Variants in PARP4 observed in about 807,000 individuals in gnomAD.
PARP4 encodes the protein protein mono-ADP-ribosyltransferase PARP4.
Under a neutral mutation model 187.7 loss-of-function variants are expected in PARP4, and 120 were observed. That is an observed-to-expected ratio of 0.64 (90% CI 0.55 to 0.74). The LOEUF is 0.74. PARP4 is among the 30% of genes least tolerant of loss of function. The probability of loss-of-function intolerance (pLI) is 0.00; values close to 1 mark genes in which losing one functional copy is unlikely to be tolerated. For missense variants in PARP4, 1,836 were observed against 2,070.5 expected (o/e 0.89, Z 2.20); for synonymous variants, 654 against 740.9 (o/e 0.88, Z 1.90).
intron 17 of PARP4, among the ~76,000 whole-genome samples, chr13:24,464,933 TAAAC>T (rs1872381262): frequency 6.6e-6 from 1 of 151,334 alleles, no homozygotes; most frequent in Admixed American, 6.6e-5. Context: ...ACAAGGAACT[TAAAC>T]AAATTTACAA....
At chr13:24,465,745 A>G (rs1872429241) in intron 17 of PARP4, among the ~76,000 whole-genome samples, 1 of 150,452 alleles carries the variant, frequency 6.6e-6, no homozygotes, top group Non-Finnish European at 1.5e-5. Flanking sequence ...ACAAACCTGC[A>G]TGTCTTGCAC....
At chr13:24,498,874 G>A (rs1237931190) in intron 5 of PARP4, among the ~76,000 whole-genome samples, 2 of 152,288 alleles carry the variant, frequency 1.3e-5, no homozygotes, top group South Asian at 2.1e-4. Context: ...ACAGGGAAGA[G>A]CACTTTTATG....
chr13:24,464,170 A>G (rs920176194), intron 17 of PARP4, among the ~76,000 whole-genome samples: 4 of 152,220 alleles, frequency 2.6e-5, no homozygotes, highest in African/African-American at 9.6e-5. Context: ...ATGGAAAAAC[A>G]TTCCATGCTC....
chr13:24,494,740 T>G lies in PARP4; in HGVS notation c.592-18A>C. 6.4e-7 allele frequency: 1 copy of G among 1,565,192 alleles called. No homozygotes were observed. Among genetic ancestry groups the G allele is most frequent in the Non-Finnish European group, 8.7e-7 (1 of 1,147,616 alleles). On this transcript the variant is annotated intron_variant, in intron 6 of 33. Coordinates refer to ENST00000381989, the MANE Select transcript of PARP4 (RefSeq NM_006437.4). ...CTTCTAGTCTGTGAATTATGGTGTA[T>G]AGCAAAAGTACAGTCATTATTTACA... is the stretch of plus-strand genomic sequence containing the variant.
intron 24 of PARP4, among the ~76,000 whole-genome samples, chr13:24,451,650 C>T (rs1871526697): frequency 7.2e-6 from 1 of 138,680 alleles, no homozygotes; most frequent in African/African-American, 2.9e-5. Flanking sequence ...CACCAGATAG[C>T]TGGTGACCAC....
intron 28 of PARP4, among the ~76,000 whole-genome samples, chr13:24,443,196 C>G (rs1307378211): frequency 7.1e-6 from 1 of 141,212 alleles, no homozygotes; most frequent in Non-Finnish European, 1.5e-5. Context: ...CTGGGCAGTC[C>G]CGGTGGCCTG....
chr13:24,470,688 A>C (rs1199700841), intron 15 of PARP4, among the ~76,000 whole-genome samples: 1 of 152,190 alleles, frequency 6.6e-6, no homozygotes, highest in African/African-American at 2.4e-5. Context: ...ATGTGACAAT[A>C]ATAAGGCAAA....
At position 24,434,601 on chromosome 13, in the gene PARP4, G is replaced by A. The variant is rs1344315191; in HGVS notation, c.4540C>T (p.Pro1514Ser). 1 of 1,612,246 alleles carries A rather than the reference G, an allele frequency of 6.2e-7. No homozygotes were observed. Among genetic ancestry groups the A allele is most frequent in the Non-Finnish European group, 8.5e-7 (1 of 1,178,522 alleles). ...SVGSLEGSRCPVFAFQSSDTE... is the reference protein window; with the variant it reads ...SVGSLEGSRCSVFAFQSSDTE... ...TCAGAACTTTGAAAAGCAAAGACAG[G>A]ACATCGACTTCCTTCGAGACTGCCT... The change falls in exon 31 of 34, where the codon CCT (proline) becomes TCT (serine). Residue 1514 changes from proline to serine, a missense_variant. This residue lies in a region of PARP4 where 450 missense variants were observed against 439.2 expected (regional missense o/e 1.02). Transcript: ENST00000381989.
intron 17 of PARP4, among the ~76,000 whole-genome samples, chr13:24,462,197 G>A (rs1359261063): frequency 6.6e-6 from 1 of 152,208 alleles, no homozygotes; most frequent in Non-Finnish European, 1.5e-5. Flanking sequence ...CACTGCGGGA[G>A]GGGAAGAGTT....
chr13:24,500,491 T>C (rs778505480), intron 3 of PARP4, 109 bp from the exon 4 acceptor site: 6 of 624,086 alleles, frequency 9.6e-6, no homozygotes, highest in Non-Finnish European at 1.6e-5. Context: ...CTTAAATTAG[T>C]TATAATTTTG....
In PARP4 at chr13:24,490,982, C is replaced by T. The variant is rs1203638471; in HGVS notation, c.1054-154G>A. On this transcript the variant is annotated intron_variant, in intron 9 of 33. Transcript: ENST00000381989. ...ATTTTTGAGATGGGTCTTGCTCTCACCCACGCTGGAGTGTAGTGGCATGAC... is the reference window on the plus strand; with the variant it reads ...ATTTTTGAGATGGGTCTTGCTCTCATCCACGCTGGAGTGTAGTGGCATGAC... 2.0e-5 allele frequency among the ~76,000 whole-genome samples: 3 copies of T among 152,182 alleles called. No individual in the cohort carries two copies. The East Asian group carries it at 5.8e-4, about 29-fold the overall frequency.
At chr13:24,469,787 G>A in intron 16 of PARP4, 107 bp downstream of exon 16, 1 of 1,135,830 alleles carries the variant, frequency 8.8e-7, no homozygotes, top group East Asian at 2.4e-5. Context: ...TTATGATAAG[G>A]CTGCTACTCA....
At chr13:24,500,480 C>A in intron 3 of PARP4, 98 bp from the exon 4 acceptor site, 1 of 688,938 alleles carries the variant, frequency 1.5e-6, no homozygotes, top group South Asian at 2.2e-5. Flanking sequence ...ATAAATATAT[C>A]CTTAAATTAG....
At chr13:24,442,010 C>G in intron 29 of PARP4, 42 bp from the exon 30 acceptor site, 1 of 1,475,734 alleles carries the variant, frequency 6.8e-7, no homozygotes, top group Non-Finnish European at 9.1e-7. Context: ...CAGATGTTAT[C>G]CAATTAAATG....
chr13:24,509,671 C>T (rs558607541), intron 1 of PARP4, among the ~76,000 whole-genome samples: 3 of 151,966 alleles, frequency 2.0e-5, no homozygotes, highest in Non-Finnish European at 4.4e-5. Flanking sequence ...GCACCTGATC[C>T]CTCCATCCAG....
chr13:24,500,616 T>C (rs1039600077), intron 3 of PARP4, among the ~76,000 whole-genome samples: 5 of 152,242 alleles, frequency 3.3e-5, no homozygotes, highest in Non-Finnish European at 7.3e-5. Context: ...TCTGTTATTA[T>C]TTGAAACTCA....
In PARP4 at chr13:24,501,765, G is replaced by T; in HGVS notation, c.202C>A (p.His68Asn). Residue 68 changes from histidine to asparagine, a missense_variant, in exon 3 of 34, where the codon CAC (histidine) becomes AAC (asparagine). This residue lies in a region of PARP4 where 1,147 missense variants were observed against 1,214.2 expected (regional missense o/e 0.94). Coordinates refer to ENST00000381989, the MANE Select transcript of PARP4 (RefSeq NM_006437.4). The part of the protein sequence containing the change: ...QYQLNSIQKN[H>N]VHIANPDFIW... ...AAATCTGGGTTTGCAATATGAACGT[G>T]GTTCTTTTGGATAGAATTCAGTTGG... 1 of 1,612,070 alleles carries T rather than the reference G, an allele frequency of 6.2e-7. No individual in the cohort carries two copies. The highest frequency in any genetic ancestry group is 8.5e-7 in the Non-Finnish European group (1 of 1,178,294).
In PARP4 at chr13:24,443,674, A is replaced by T. The variant is rs745841241; in HGVS notation, c.3423T>A (p.Leu1141=). 8 of 1,612,944 alleles carry T rather than the reference A, an allele frequency of 5.0e-6. No homozygotes were observed. Among genetic ancestry groups the T allele is most frequent in the Non-Finnish European group, 6.8e-6 (8 of 1,178,926 alleles). The change falls in exon 28 of 34, where the codon CTT becomes CTA. Residue 1141 remains leucine (L), a synonymous_variant. Coordinates refer to ENST00000381989, the MANE Select transcript of PARP4 (RefSeq NM_006437.4). ...ALIRDYEDGI[L]HENETSHEMK... is the part of the protein sequence containing the mutation. Reference sequence around the variant, plus strand: ...CCTCATGACTGGTTTCATTTTCGTGAAGAATGCCATCTTCATAATCTCTGA... The same window carrying T: ...CCTCATGACTGGTTTCATTTTCGTGTAGAATGCCATCTTCATAATCTCTGA...
At chr13:24,462,003 C>A (rs905326734) in intron 17 of PARP4, among the ~76,000 whole-genome samples, 1 of 152,174 alleles carries the variant, frequency 6.6e-6, no homozygotes, top group Non-Finnish European at 1.5e-5. Context: ...ATCTCCCAAA[C>A]AACTCTTAAC....
Sources: gnomAD v4.1 joint callset for allele counts (sites outside exome capture counted in the v4.1 genomes callset) on GRCh38, gnomAD v4.1.1 for gene constraint, gnomAD v4.1.1 regional missense constraint, MANE v1.5 for transcripts, NCBI Gene and HGNC (gene_info 2026-07-23, HGNC 2026-07-21) for gene names.